Variants in PDE4D observed in about 807,000 individuals in gnomAD.
PDE4D encodes the protein phosphodiesterase 4D.
A neutral mutation model predicts 87.4 loss-of-function variants in PDE4D; 24 were observed. That is an observed-to-expected ratio of 0.27 (90% confidence interval 0.20 to 0.39). PDE4D has a LOEUF of 0.39. PDE4D is among the 10% of genes least tolerant of loss of function. The probability of loss-of-function intolerance (pLI) is 1.00; values close to 1 mark genes in which losing one functional copy is unlikely to be tolerated. For missense variants in PDE4D, 714 were observed against 1,041.0 expected (o/e 0.69, Z 4.32); for synonymous variants, 384 against 383.2 (o/e 1.00, Z -0.02).
intron 1 of PDE4D, among the ~76,000 whole-genome samples, chr5:59,238,515 G>A (rs1756963507): frequency 6.6e-6 from 1 of 152,156 alleles, no homozygotes; most frequent in African/African-American, 2.4e-5. Context: ...AGGAAAAAAG[G>A]TCATTCGACT....
intron 1 of PDE4D, among the ~76,000 whole-genome samples, chr5:59,403,403 A>G (rs1791049055): frequency 6.6e-6 from 1 of 152,118 alleles, no homozygotes; most frequent in Admixed American, 6.6e-5. Flanking sequence ...TATTTGTTCT[A>G]TCTAATTATA....
intron 1 of PDE4D, among the ~76,000 whole-genome samples, chr5:59,263,987 A>T (rs567897198): frequency 1.3e-5 from 2 of 152,150 alleles, no homozygotes; most frequent in Admixed American, 1.3e-4. Context: ...TACAATATTT[A>T]TATGTTCTTC....
chr5:59,187,369 CAAAA>C (rs1743156072), intron 3 of PDE4D, among the ~76,000 whole-genome samples: 1 of 152,022 alleles, frequency 6.6e-6, no homozygotes, highest in African/African-American at 2.4e-5. Flanking sequence ...GAGTATAAAG[CAAAA>C]AGTCTCCCCT....
chr5:59,587,352 CTCTTT>C (rs1481371035), intron 1 of PDE4D: 1 of 682,886 alleles, frequency 1.5e-6, no homozygotes, highest in African/African-American at 1.9e-5. Flanking sequence ...CTCTCTCAAT[CTCTTT>C]TGTTTTTCAC....
chr5:60,165,597 T>C (rs1414974224), intron 2 of PDE4D, among the ~76,000 whole-genome samples: 2 of 151,632 alleles, frequency 1.3e-5, no homozygotes, highest in Non-Finnish European at 2.9e-5. Context: ...TCATTTGGGG[T>C]ATTATGGAAA....
At chr5:59,264,889 T>C (rs963871638) in intron 1 of PDE4D, among the ~76,000 whole-genome samples, 1 of 152,024 alleles carries the variant, frequency 6.6e-6, no homozygotes, top group African/African-American at 2.4e-5. Context: ...TCTCTATTTT[T>C]GTCTGTTGTT....
chr5:59,897,393 G>A (rs1453799544), upstream of PDE4D, among the ~76,000 whole-genome samples: 4 of 152,126 alleles, frequency 2.6e-5, no homozygotes, highest in African/African-American at 4.8e-5. Context: ...AGAGTGAGAT[G>A]GCAAGTGGCA....
intron 1 of PDE4D, among the ~76,000 whole-genome samples, chr5:59,637,575 A>C (rs147210264): frequency 0.03 from 4,602 of 152,130 alleles, 234 homozygotes; most frequent in African/African-American, 0.1. Context: ...ACATAAAAAA[A>C]AAAAAATGAG....
intron 2 of PDE4D, among the ~76,000 whole-genome samples, chr5:60,061,219 C>A (rs1771369785): frequency 6.6e-6 from 1 of 152,094 alleles, no homozygotes; most frequent in Admixed American, 6.6e-5. Context: ...AGCTGATAAG[C>A]AACTTCAGCA....
chr5:59,495,951 C>T (rs796425677), intron 1 of PDE4D, among the ~76,000 whole-genome samples: 6 of 152,256 alleles, frequency 3.9e-5, no homozygotes, highest in African/African-American at 1.4e-4. Context: ...CTTGTGTTAA[C>T]CAGCTCAATT....
In PDE4D at chr5:59,687,750, T is replaced by C. The variant is rs1470927805; in HGVS notation, c.455+205418A>G. On this transcript the variant is annotated intron_variant, in intron 1 of 14. Coordinates refer to ENST00000340635, the MANE Select transcript of PDE4D (RefSeq NM_001104631.2). The stretch of plus-strand genomic sequence containing the variant: ...CCTTAAATGTAAATGGGCTAAATGC[T>C]CCAATTAAAAGATGCTAACTGGCAA... Among the ~76,000 whole-genome samples the C allele has an allele frequency of 2.0e-5, 3 of 152,046 alleles. No homozygotes were observed. In the East Asian group the frequency reaches 5.8e-4, roughly 29 times the overall value.
intron 1 of PDE4D, among the ~76,000 whole-genome samples, chr5:60,256,943 C>T (rs953480595): frequency 6.6e-6 from 1 of 151,686 alleles, no homozygotes; most frequent in South Asian, 2.1e-4. Context: ...ACACATGCAC[C>T]CACATGGTAA....
At chr5:59,450,361 A>C (rs1292077309) in intron 1 of PDE4D, among the ~76,000 whole-genome samples, 2 of 152,092 alleles carry the variant, frequency 1.3e-5, no homozygotes, top group African/African-American at 4.8e-5. Flanking sequence ...TAAGTTCACA[A>C]CTCAATCACT....
intron 1 of PDE4D, among the ~76,000 whole-genome samples, chr5:60,321,151 T>C (rs1366456571): frequency 6.6e-6 from 1 of 152,136 alleles, no homozygotes; most frequent in Non-Finnish European, 1.5e-5. Context: ...CTTCAAACTA[T>C]ACAAGTCAAC....
intron 1 of PDE4D, among the ~76,000 whole-genome samples, chr5:59,862,148 C>T (rs1373602488): frequency 1.3e-5 from 2 of 152,182 alleles, no homozygotes; most frequent in African/African-American, 2.4e-5. Context: ...CGCTCCTACT[C>T]TTCCAGGACA....
chr5:60,225,115 G>A (rs565872467), intron 1 of PDE4D, among the ~76,000 whole-genome samples: 15 of 152,108 alleles, frequency 9.9e-5, no homozygotes, highest in African/African-American at 3.4e-4. Flanking sequence ...TGCCTCCTCA[G>A]GGATCTCGGT....
chr5:59,879,588 A>G (rs995224836), intron 1 of PDE4D, among the ~76,000 whole-genome samples: 3 of 152,246 alleles, frequency 2.0e-5, no homozygotes, highest in African/African-American at 7.2e-5. Context: ...TATTTTTCAT[A>G]GGCAGATTTG....
intron 1 of PDE4D, among the ~76,000 whole-genome samples, chr5:59,812,724 A>T: frequency 6.6e-6 from 1 of 152,176 alleles, no homozygotes; most frequent in East Asian, 1.9e-4. Flanking sequence ...CAAGTGAGAT[A>T]AAACTAAATC....
intron 1 of PDE4D, among the ~76,000 whole-genome samples, chr5:59,743,570 G>A (rs758385575): frequency 3.3e-5 from 5 of 151,946 alleles, no homozygotes; most frequent in Non-Finnish European, 5.9e-5. Context: ...TTGAACCCTC[G>A]TGCACTGTTG....
Sources: gnomAD v4.1 joint callset for allele counts (sites outside exome capture counted in the v4.1 genomes callset) on GRCh38, gnomAD v4.1.1 for gene constraint, MANE v1.5 for transcripts, NCBI Gene and HGNC (gene_info 2026-07-23, HGNC 2026-07-21) for gene names.